ACER3: variants seen among roughly 807,000 people sequenced by gnomAD.
ACER3 encodes alkaline ceramidase 3.
A neutral mutation model predicts 48.9 loss-of-function variants in ACER3; 16 were observed. That is an observed-to-expected ratio of 0.33 (90% CI 0.22 to 0.50). The LOEUF is 0.50. ACER3 is among the 20% of genes least tolerant of loss of function. The pLI, the probability that ACER3 is intolerant of heterozygous loss-of-function variation, is 0.98. For missense variants in ACER3, 227 were observed against 326.0 expected, an observed-to-expected ratio of 0.70 and a Z score of 2.34; for synonymous variants, 109 against 107.8, an observed-to-expected ratio of 1.01 and a Z score of -0.07.
chr11:76,953,194 A>G (rs1030592296), intron 2 of ACER3, among the ~76,000 whole-genome samples: 1 of 152,226 alleles, frequency 6.6e-6, no homozygotes, highest in Non-Finnish European at 1.5e-5. Flanking sequence ...ATGAAGCTCC[A>G]TGTATGCCTT....
At chr11:76,904,125 TA>T (rs1166329182) in intron 1 of ACER3, among the ~76,000 whole-genome samples, 2 of 152,136 alleles carry the variant, frequency 1.3e-5, no homozygotes, top group Non-Finnish European at 2.9e-5. Flanking sequence ...TAGCTAGGAT[TA>T]GGGGCACACA....
chr11:76,867,665 AAAAT>A (rs1268755169), intron 1 of ACER3, among the ~76,000 whole-genome samples: 1 of 152,130 alleles, frequency 6.6e-6, no homozygotes, highest in Non-Finnish European at 1.5e-5. Context: ...CTAAAAAATA[AAAAT>A]AAATAAATAA....
intron 7 of ACER3, among the ~76,000 whole-genome samples, chr11:77,001,924 G>A (rs1949039612): frequency 6.6e-6 from 1 of 151,946 alleles, no homozygotes; most frequent in African/African-American, 2.4e-5. Context: ...CTGAGACTAG[G>A]GTGTCAGCAG....
chr11:76,934,494 C>T (rs917096406), intron 2 of ACER3, among the ~76,000 whole-genome samples: 7 of 152,216 alleles, frequency 4.6e-5, no homozygotes, highest in African/African-American at 7.2e-5. Context: ...GAGACCAGCC[C>T]GGCCAACGCA....
In ACER3 at chr11:76,961,821, A is replaced by G. The variant is rs149161563; in HGVS notation, c.267+2790A>G. ...TGAAATAATACATGAGTATAAATAAATGAATAAAGAAAAAGTTTGATGTTA... is the reference window on the plus strand; with the variant it reads ...TGAAATAATACATGAGTATAAATAAGTGAATAAAGAAAAAGTTTGATGTTA... On this transcript the variant is annotated intron_variant, in intron 3 of 10. Coordinates refer to ENST00000532485, the MANE Select transcript of ACER3 (RefSeq NM_018367.7). Among the ~76,000 whole-genome samples the G allele has an allele frequency of 2.7e-3, 389 of 145,246 alleles. 17 individuals carry two copies. Among genetic ancestry groups the G allele is most frequent in the African/African-American group, 0.01 (370 of 35,720 alleles).
intron 2 of ACER3, 25 bp from the exon 3 acceptor site, chr11:76,958,954 T>C (rs377531957): frequency 4.3e-6 from 7 of 1,610,554 alleles, no homozygotes; most frequent in Non-Finnish European, 5.9e-6. Context: ...TTCATGCTAA[T>C]TTTTTTTCAT....
At chr11:76,936,696 C>G (rs1238943965) in intron 2 of ACER3, among the ~76,000 whole-genome samples, 2 of 149,808 alleles carry the variant, frequency 1.3e-5, no homozygotes. Flanking sequence ...CCCTAATATA[C>G]AATTTTTCTT....
chr11:76,870,236 A>G (rs1206819568), intron 1 of ACER3, among the ~76,000 whole-genome samples: 1 of 149,562 alleles, frequency 6.7e-6, no homozygotes, highest in East Asian at 2.0e-4. Flanking sequence ...GGCTCAAGTG[A>G]TCCTCCCACC....
rs1358086247 is a variant in ACER3 at position 77,024,100 on chromosome 11, A to G, written c.*3773A>G. On this transcript the variant is annotated 3_prime_UTR_variant, in exon 11 of 11. Transcript: ENST00000532485. ...AAAAAAAAAAAAAAAAAAAAAAAAA[A>G]AGACTAAAATTTGATTTAAAGTAGT... is the stretch of plus-strand genomic sequence containing the variant. 1 of 144,794 alleles carries G rather than the reference A, an allele frequency of 6.9e-6. No individual in the cohort carries two copies. The highest frequency in any genetic ancestry group is 2.5e-5 in the African/African-American group (1 of 39,846). The allele number at this position is 144,794 out of a possible 1,614,324, so 9.0% of individuals were successfully genotyped here. A position where few individuals can be genotyped will look rare whatever the true frequency, so the allele number is the denominator to read the frequency against.
At position 76,967,903 on chromosome 11, in the gene ACER3, A is replaced by C. The variant is rs534126586; in HGVS notation, c.268-8386A>C. Among the ~76,000 whole-genome samples the C allele has an allele frequency of 2.0e-5, 3 of 152,216 alleles. No individual in the cohort carries two copies. The East Asian group carries it at 5.8e-4, about 29-fold the overall frequency. ...GCACAAGACAGGGATGTCCTCTCTC[A>C]CCACTCCTATTCAACATAGTGTTGG... On this transcript the variant is annotated intron_variant, in intron 3 of 10. Coordinates refer to ENST00000532485, the MANE Select transcript of ACER3 (RefSeq NM_018367.7).
At chr11:76,868,899 A>C (rs888452486) in intron 1 of ACER3, among the ~76,000 whole-genome samples, 2 of 152,258 alleles carry the variant, frequency 1.3e-5, no homozygotes, top group South Asian at 2.1e-4. Flanking sequence ...ACTCATCCAC[A>C]TAGTAGGATG....
chr11:76,861,186 C>A, intron 1 of ACER3, 107 bp downstream of exon 1: 1 of 1,150,896 alleles, frequency 8.7e-7, no homozygotes, highest in Non-Finnish European at 1.2e-6. Context: ...AGGTGCCAGG[C>A]CTGGCCCCGG....
chr11:77,006,870 G>A (rs980532162), intron 7 of ACER3, among the ~76,000 whole-genome samples: 7 of 152,288 alleles, frequency 4.6e-5, no homozygotes, highest in Admixed American at 3.3e-4. Flanking sequence ...AGATACATGG[G>A]AGGTTGAGGT....
chr11:76,977,396 G>A lies in ACER3; in HGVS notation c.320+1055G>A, dbSNP rs377431028. Among the ~76,000 whole-genome samples the A allele has an allele frequency of 2.0e-5, 3 of 152,326 alleles. No individual in the cohort carries two copies. In the East Asian group the frequency reaches 5.8e-4, roughly 29 times the overall value. On this transcript the variant is annotated intron_variant, in intron 4 of 10. Coordinates refer to ENST00000532485, the MANE Select transcript of ACER3 (RefSeq NM_018367.7). ...TCAAATAATGTGCCTTCTAAGGAGG[G>A]TGGGTGAGGTTAGCTATAGGTCTTC... is the stretch of plus-strand genomic sequence containing the variant.
chr11:77,026,779 A>G lies in ACER3; in HGVS notation c.*6452A>G, dbSNP rs797029622. ...CATAGGTGAAAATATTAAATTAAAT[A>G]ATATTGTTTTGAATAAGACTACTGG... is the stretch of plus-strand genomic sequence containing the variant. On this transcript the variant is annotated 3_prime_UTR_variant, in exon 11 of 11. Coordinates refer to ENST00000532485, the MANE Select transcript of ACER3 (RefSeq NM_018367.7). 4.6e-5 allele frequency: 7 copies of G among 152,334 alleles called. No individual in the cohort carries two copies. The South Asian group carries it at 1.4e-3, about 32-fold the overall frequency. 9.4% of individuals were successfully genotyped at this position (152,334 alleles called of 1,614,324 possible). A position where few individuals can be genotyped will look rare whatever the true frequency, so the allele number is the denominator to read the frequency against.
At position 76,960,865 on chromosome 11, in the gene ACER3, G is replaced by T. The variant is rs917633098; in HGVS notation, c.267+1834G>T. On this transcript the variant is annotated intron_variant, in intron 3 of 10. Transcript: ENST00000532485. ...GAAGGGTGTCCTCCCAAGTTGGGGG[G>T]GTCATTTGACATGCGGTTGGAATCT... Among the ~76,000 whole-genome samples, 8 of 152,150 alleles carry T rather than the reference G, an allele frequency of 5.3e-5. No homozygotes were observed. The South Asian group carries it at 6.2e-4, about 12-fold the overall frequency.
At chr11:76,862,114 C>T (rs1383264899) in intron 1 of ACER3, among the ~76,000 whole-genome samples, 1 of 152,166 alleles carries the variant, frequency 6.6e-6, no homozygotes, top group Non-Finnish European at 1.5e-5. Context: ...ATGATTACTG[C>T]CTTCTTTTAG....
At chr11:76,882,126 TCCCGA>T (rs1427371501) in intron 1 of ACER3, among the ~76,000 whole-genome samples, 1 of 150,432 alleles carries the variant, frequency 6.6e-6, no homozygotes, top group East Asian at 2.0e-4. Context: ...TGCCTCAGCC[TCCCGA>T]GTAGCTGGGA....
At chr11:76,896,503 A>AG in intron 1 of ACER3, among the ~76,000 whole-genome samples, 1 of 151,894 alleles carries the variant, frequency 6.6e-6, no homozygotes. Flanking sequence ...AAAAAAAAAA[A>AG]GAAAAGACTA....
Sources: allele counts gnomAD v4.1 joint callset (sites outside exome capture counted in the v4.1 genomes callset), GRCh38; gene constraint gnomAD v4.1.1; transcripts MANE v1.5; gene names NCBI Gene and HGNC (gene_info 2026-07-23, HGNC 2026-07-21).